The following MSI1 variants were observed in gnomAD, a reference collection of about 807,000 sequenced individuals.
MSI1 encodes the protein musashi RNA binding protein 1, also known as RNA-binding protein Musashi homolog 1.
A neutral mutation model predicts 54.4 loss-of-function variants in MSI1; 15 were observed. That is an observed-to-expected ratio of 0.28 (90% confidence interval 0.18 to 0.42). The LOEUF is 0.42. Among genes scored for constraint, MSI1 ranks in the 20% least tolerant of loss-of-function variants. MSI1 has a pLI of 1.00. For missense variants in MSI1, 304 were observed against 506.0 expected (o/e 0.60, Z 3.83); for synonymous variants, 200 against 196.5 (o/e 1.02, Z -0.15).
At chr12:120,354,436 CTT>C (rs35028100) in intron 9 of MSI1, among the ~76,000 whole-genome samples, 5 of 149,288 alleles carry the variant, frequency 3.3e-5, no homozygotes, top group Middle Eastern at 3.4e-3. Flanking sequence ...TCTTTTTCCA[CTT>C]TTTTTTTTTT....
chr12:120,363,879 A>G (rs1053538889), intron 5 of MSI1, among the ~76,000 whole-genome samples: 1 of 152,152 alleles, frequency 6.6e-6, no homozygotes. Flanking sequence ...CTGGCCCGGA[A>G]TCTTAAAGAG....
At chr12:120,354,047 C>T (rs1183340777) in intron 9 of MSI1, among the ~76,000 whole-genome samples, 2 of 151,696 alleles carry the variant, frequency 1.3e-5, no homozygotes, top group Non-Finnish European at 2.9e-5. Context: ...CACAGTGGTA[C>T]AATTGTAGGT....
intron 13 of MSI1, 67 bp from the exon 14 acceptor site, chr12:120,345,699 C>G: frequency 6.3e-7 from 1 of 1,580,248 alleles, no homozygotes; most frequent in South Asian, 1.1e-5. Context: ...CTCCTTCTCT[C>G]TCTGCAGGAC....
At chr12:120,343,504 G>C (rs1873860154) in intron 14 of MSI1, among the ~76,000 whole-genome samples, 1 of 152,034 alleles carries the variant, frequency 6.6e-6, no homozygotes, top group African/African-American at 2.4e-5. Flanking sequence ...GATTACGAAT[G>C]TGAGCCACCA....
intron 14 of MSI1, among the ~76,000 whole-genome samples, chr12:120,344,013 C>T (rs548780800): frequency 2.1e-4 from 32 of 152,244 alleles, no homozygotes; most frequent in African/African-American, 6.0e-4. Flanking sequence ...CGCACCATCA[C>T]GCCAGCCAAG....
rs1873729568 is a variant in MSI1, at chr12:120,342,322, A to G, written c.*805T>C. On this transcript the variant is annotated 3_prime_UTR_variant, in exon 15 of 15. Coordinates refer to ENST00000257552, the MANE Select transcript of MSI1 (RefSeq NM_002442.4). ...CTGAGAGAGCGGGCCTGCCGTGGCC[A>G]CAGCTGAGGCCTGCAAGCTTACAGT... is the stretch of plus-strand genomic sequence containing the variant. 1 of 152,764 alleles carries G rather than the reference A, an allele frequency of 6.5e-6. No homozygotes were observed. Among genetic ancestry groups the G allele is most frequent in the South Asian group, 2.1e-4 (1 of 4,830 alleles). The allele number at this position is 152,764 out of a possible 1,614,324, so 9.5% of individuals were successfully genotyped here. A position where few individuals can be genotyped will look rare whatever the true frequency, so the allele number is the denominator to read the frequency against.
At chr12:120,340,946 C>T (rs1193916009), downstream of MSI1, among the ~76,000 whole-genome samples, 1 of 141,936 alleles carries the variant, frequency 7.0e-6, no homozygotes, top group Admixed American at 7.6e-5. Flanking sequence ...AGTGCGGTGG[C>T]ATGATCTCAG....
chr12:120,358,952 C>G lies in MSI1; in HGVS notation c.451+53G>C, dbSNP rs1198694692. 2.6e-6 allele frequency: 4 copies of G among 1,548,732 alleles called. No homozygotes were observed. In the African/African-American group the frequency reaches 4.1e-5, roughly 16 times the overall value. On this transcript the variant is annotated intron_variant, in intron 7 of 14. Transcript: ENST00000257552. ...TGAAAGGGCAGCTGTGACCTGCAGC[C>G]CCCTGGCTGACCACGGGGCCCAGCC...
At chr12:120,344,820 C>T (rs564316218) in intron 14 of MSI1, among the ~76,000 whole-genome samples, 56 of 151,898 alleles carry the variant, frequency 3.7e-4, no homozygotes, top group Non-Finnish European at 4.7e-4. Flanking sequence ...CCAGCCTGGC[C>T]AACATGGCAA....
chr12:120,361,863 G>A (rs1293099776), intron 6 of MSI1, among the ~76,000 whole-genome samples: 1 of 151,946 alleles, frequency 6.6e-6, no homozygotes, highest in East Asian at 1.9e-4. Flanking sequence ...AAAAGACGCG[G>A]CCGCTGACGG....
chr12:120,341,121 A>G (rs916798930), downstream of MSI1, among the ~76,000 whole-genome samples: 3 of 151,734 alleles, frequency 2.0e-5, no homozygotes, highest in East Asian at 1.9e-4. Context: ...CCTGACCTCA[A>G]TTGATCTGCC....
chr12:120,346,400 C>A, intron 12 of MSI1, 78 bp from the exon 13 acceptor site: 4 of 1,355,856 alleles, frequency 3.0e-6, no homozygotes, highest in Non-Finnish European at 3.9e-6. Context: ...CCTGTCCCAC[C>A]CACCCTAACC....
At chr12:120,346,386 CA>C in intron 12 of MSI1, 64 bp from the exon 13 acceptor site, 2 of 1,417,722 alleles carry the variant, frequency 1.4e-6, no homozygotes, top group Non-Finnish European at 1.9e-6. Flanking sequence ...GGCACCCCCT[CA>C]AGCCTGTCCC....
intron 7 of MSI1, 40 bp from the exon 8 acceptor site, chr12:120,357,938 G>C: frequency 6.3e-7 from 1 of 1,588,794 alleles, no homozygotes; most frequent in South Asian, 1.1e-5. Flanking sequence ...GTCAGAACCA[G>C]AGCGCAGGGT....
At chr12:120,353,469 C>A in intron 9 of MSI1, 90 bp from the exon 10 acceptor site, 1 of 1,150,014 alleles carries the variant, frequency 8.7e-7, no homozygotes, top group Non-Finnish European at 1.3e-6. Flanking sequence ...TGTCCCCTCA[C>A]CTTCCTTTAT....
intron 14 of MSI1, among the ~76,000 whole-genome samples, chr12:120,343,329 T>C (rs1490562865): frequency 6.6e-6 from 1 of 152,116 alleles, no homozygotes; most frequent in East Asian, 1.9e-4. Context: ...CTCAGCCTCC[T>C]GAGACTCTGG....
Position 120,342,579 on chromosome 12 carries a change from C to T in MSI1, c.*548G>A, listed in dbSNP as rs1873756637. 1 of 151,184 alleles carries T rather than the reference C, an allele frequency of 6.6e-6. No individual in the cohort carries two copies. The highest frequency in any genetic ancestry group is 1.5e-5 in the Non-Finnish European group (1 of 67,780). 9.4% of individuals were successfully genotyped at this position (151,184 alleles called of 1,614,324 possible). A position where few individuals can be genotyped will look rare whatever the true frequency, so the allele number is the denominator to read the frequency against. ...TTTGTTCTCAGCTGGTGGGGGGCAC[C>T]TGGCCCCTTGCCCCCTGCGGCCTGG... On this transcript the variant is annotated 3_prime_UTR_variant, in exon 15 of 15. Transcript: ENST00000257552.
Position 120,351,346 on chromosome 12 carries a change from G to C in MSI1, c.788C>G (p.Thr263Arg), listed in dbSNP as rs1673922527. The stretch of plus-strand genomic sequence containing the variant: ...TATACAAAATCCGAGCGACTGACCT[G>C]TAAGCTCGGGGAGGACTGGGGCGCT... ...LPSAPVLPELTAIPLTAYGPM... is the reference protein window; with the variant it reads ...LPSAPVLPELRAIPLTAYGPM... The change falls in exon 11 of 15, where the codon ACA (threonine) becomes AGA (arginine). Residue 263 changes from threonine to arginine, a missense_variant and splice_region_variant. Thr to Arg is a moderately conservative substitution (Grantham distance 71). Coordinates refer to ENST00000257552, the MANE Select transcript of MSI1 (RefSeq NM_002442.4). 6.2e-7 allele frequency: 1 copy of C among 1,613,186 alleles called. No homozygotes were observed. Among genetic ancestry groups the C allele is most frequent in the Non-Finnish European group, 8.5e-7 (1 of 1,179,770 alleles).
Position 120,368,923 on chromosome 12 carries a change from G to C in MSI1, c.60-50C>G, listed in dbSNP as rs1368138453. 1 of 1,325,502 alleles carries C rather than the reference G, an allele frequency of 7.5e-7. No individual in the cohort carries two copies. Among genetic ancestry groups the C allele is most frequent in the Non-Finnish European group, 9.8e-7 (1 of 1,019,692 alleles). 82.1% of individuals were successfully genotyped at this position (1,325,502 alleles called of 1,614,324 possible). The stretch of plus-strand genomic sequence containing the variant: ...GGGCCCGCGTGAGCGCCGGGCGCCA[G>C]GGCGCAGGGGGCGCGGGCCCGGGCT... On this transcript the variant is annotated intron_variant, in intron 1 of 14. Transcript: ENST00000257552. The surrounding 1 kb of genome is among the most constrained non-coding windows in gnomAD (Gnocchi z 6.6).
Sources: allele counts gnomAD v4.1 joint callset (sites outside exome capture counted in the v4.1 genomes callset), GRCh38; gene constraint gnomAD v4.1.1; non-coding constraint Gnocchi (gnomAD v3.1); transcripts MANE v1.5; gene names NCBI Gene and HGNC (gene_info 2026-07-23, HGNC 2026-07-21).